OTUD7A: variants seen among roughly 807,000 people sequenced by gnomAD.
OTUD7A encodes OTU deubiquitinase 7A.
OTUD7A carries 12 observed loss-of-function variants against 65.7 expected under a neutral mutation model. The ratio of observed to expected loss-of-function variants is 0.18; its 90% CI spans 0.12 to 0.30. The LOEUF is 0.30. OTUD7A is among the 10% of genes least tolerant of loss of function. The pLI, the probability that OTUD7A is intolerant of heterozygous loss-of-function variation, is 1.00. For missense variants in OTUD7A, 1,148 were observed against 1,304.8 expected, an observed-to-expected ratio of 0.88 and a Z score of 1.85; for synonymous variants, 641 against 586.3, an observed-to-expected ratio of 1.09 and a Z score of -1.35.
intron 3 of OTUD7A, among the ~76,000 whole-genome samples, chr15:31,622,437 A>G (rs187576998): frequency 6.6e-6 from 1 of 152,106 alleles, no homozygotes; most frequent in African/African-American, 2.4e-5. Context: ...ACATAGTCCC[A>G]TATTTCTTGG....
chr15:31,845,829 C>T (rs981972058), intron 1 of OTUD7A, among the ~76,000 whole-genome samples: 7 of 152,248 alleles, frequency 4.6e-5, no homozygotes, highest in African/African-American at 1.7e-4. Context: ...GGAGTGCAAC[C>T]ACAGACAATC....
chr15:31,870,087 A>C (rs988613811), intron 1 of OTUD7A, among the ~76,000 whole-genome samples: 1 of 149,902 alleles, frequency 6.7e-6, no homozygotes, highest in African/African-American at 2.4e-5. Context: ...GGCCGTCTGC[A>C]AGAGCCGCGG....
intron 1 of OTUD7A, among the ~76,000 whole-genome samples, chr15:31,829,361 C>A (rs1258556713): frequency 6.6e-6 from 1 of 152,192 alleles, no homozygotes; most frequent in Admixed American, 6.5e-5. Context: ...GATCTTTCAT[C>A]CATGCTGGTT....
chr15:31,614,428 A>C (rs181607857), intron 3 of OTUD7A, among the ~76,000 whole-genome samples: 106 of 152,322 alleles, frequency 7.0e-4, no homozygotes, highest in African/African-American at 2.5e-3. Context: ...GCATGTTATA[A>C]TAAAACTGCT....
Position 31,487,624 on chromosome 15 carries a change from C to A in OTUD7A, c.1172-58G>T. 1 of 1,429,908 alleles carries A rather than the reference C, an allele frequency of 7.0e-7. No homozygotes were observed. The highest frequency in any genetic ancestry group is 9.6e-7 in the Non-Finnish European group (1 of 1,043,482). The allele number at this position is 1,429,908 out of a possible 1,614,324, so 88.6% of individuals were successfully genotyped here. A position where few individuals can be genotyped will look rare whatever the true frequency, so the allele number is the denominator to read the frequency against. ...CCCCGGCAGTCCCCAGGCAGGATGG[C>A]AAGGAAATTCCCAAGCCAGGTATCT... On this transcript the variant is annotated intron_variant, in intron 10 of 12. Coordinates refer to ENST00000307050, the MANE Select transcript of OTUD7A (RefSeq NM_001382637.1). This position sits in a 1 kb window ranked among gnomAD's most constrained non-coding sequence, Gnocchi z 6.0.
chr15:31,570,992 T>A (rs1889037560), intron 3 of OTUD7A, among the ~76,000 whole-genome samples: 1 of 152,182 alleles, frequency 6.6e-6, no homozygotes, highest in Admixed American at 6.5e-5. Flanking sequence ...TAGTTAACAA[T>A]AACTTAATGT....
At chr15:31,723,833 TAGAC>T in intron 1 of OTUD7A, among the ~76,000 whole-genome samples, 1 of 64,834 alleles carries the variant, frequency 1.5e-5, no homozygotes, top group South Asian at 6.0e-4. Flanking sequence ...TTGCAAAATT[TAGAC>T]AGAGACCGCC....
intron 1 of OTUD7A, among the ~76,000 whole-genome samples, chr15:31,853,807 G>C (rs1897491469): frequency 6.6e-6 from 1 of 152,168 alleles, no homozygotes. Context: ...ATCCCGCCCT[G>C]GCTTCACCCT....
intron 1 of OTUD7A, among the ~76,000 whole-genome samples, chr15:31,657,363 C>CT (rs71424606): frequency 0.054 from 7,870 of 146,712 alleles, 421 homozygotes; most frequent in African/African-American, 0.14. Flanking sequence ...TTTCCTTTTT[C>CT]TTTTTTTTTT....
chr15:31,613,454 A>G (rs982264341), intron 3 of OTUD7A, among the ~76,000 whole-genome samples: 1 of 152,190 alleles, frequency 6.6e-6, no homozygotes, highest in Non-Finnish European at 1.5e-5. Context: ...TCAGCAAGAA[A>G]AAAACAAACA....
chr15:31,536,375 G>A (rs1165326577), intron 5 of OTUD7A, among the ~76,000 whole-genome samples: 2 of 152,206 alleles, frequency 1.3e-5, no homozygotes, highest in Non-Finnish European at 2.9e-5. Flanking sequence ...CTAATGTTAT[G>A]TGAAACTTCT....
At chr15:31,725,690 A>G (rs1348137768) in intron 1 of OTUD7A, among the ~76,000 whole-genome samples, 1 of 152,208 alleles carries the variant, frequency 6.6e-6, no homozygotes, top group Non-Finnish European at 1.5e-5. Context: ...GTGGCTCTGT[A>G]ACTTGCTTTG....
At chr15:31,735,854 T>C (rs1243305087) in intron 1 of OTUD7A, among the ~76,000 whole-genome samples, 1 of 152,196 alleles carries the variant, frequency 6.6e-6, no homozygotes, top group African/African-American at 2.4e-5. Context: ...ATGTGGTACA[T>C]AAACATCATG....
intron 5 of OTUD7A, among the ~76,000 whole-genome samples, chr15:31,536,374 T>C (rs1391916392): frequency 2.0e-5 from 3 of 152,246 alleles, no homozygotes; most frequent in Non-Finnish European, 2.9e-5. Flanking sequence ...TCTAATGTTA[T>C]GTGAAACTTC....
At chr15:31,667,627 C>A (rs12324512) in intron 1 of OTUD7A, among the ~76,000 whole-genome samples, 16,645 of 152,074 alleles carry the variant, frequency 0.11, 2,457 homozygotes, top group African/African-American at 0.34. Context: ...CATTTACATT[C>A]AATGTTATTA....
At chr15:31,805,270 G>C (rs546803166) in intron 1 of OTUD7A, among the ~76,000 whole-genome samples, 27 of 152,354 alleles carry the variant, frequency 1.8e-4, no homozygotes, top group Admixed American at 1.3e-3. Context: ...AGAAAAGGCA[G>C]GTGTAACCAA....
chr15:31,506,441 A>AT (rs961379750), intron 8 of OTUD7A, among the ~76,000 whole-genome samples: 33 of 150,826 alleles, frequency 2.2e-4, no homozygotes, highest in African/African-American at 6.8e-4. Context: ...TTTATTTGAA[A>AT]TTTTTTTTAC....
At chr15:31,639,144 G>T (rs1427190558) in intron 3 of OTUD7A, among the ~76,000 whole-genome samples, 1 of 151,898 alleles carries the variant, frequency 6.6e-6, no homozygotes, top group Non-Finnish European at 1.5e-5. Flanking sequence ...CAGCTGCTTT[G>T]TAATCCCCAC....
intron 8 of OTUD7A, among the ~76,000 whole-genome samples, chr15:31,523,762 T>C (rs115979986): frequency 0.025 from 3,808 of 152,308 alleles, 158 homozygotes; most frequent in African/African-American, 0.087. Context: ...GATGATGCCC[T>C]ACACCTCTCA....
Sources: allele counts gnomAD v4.1 joint callset (sites outside exome capture counted in the v4.1 genomes callset), GRCh38; gene constraint gnomAD v4.1.1; non-coding constraint Gnocchi (gnomAD v3.1); transcripts MANE v1.5; gene names NCBI Gene and HGNC (gene_info 2026-07-23, HGNC 2026-07-21).